GALNTL6: variants seen among roughly 807,000 people sequenced by gnomAD.
GALNTL6 encodes polypeptide N-acetylgalactosaminyltransferase like 6.
GALNTL6 carries 46 observed loss-of-function variants against 73.7 expected under a neutral mutation model. The ratio of observed to expected loss-of-function variants is 0.62; its 90% CI spans 0.49 to 0.80. The LOEUF is 0.80. GALNTL6 is among the 30% of genes least tolerant of loss of function. The pLI, the probability that GALNTL6 is intolerant of heterozygous loss-of-function variation, is 0.00. For missense variants in GALNTL6, 604 were observed against 755.0 expected (o/e 0.80, Z 2.34); for synonymous variants, 259 against 263.7 (o/e 0.98, Z 0.17).
chr4:172,520,851 G>A (rs548737138), intron 5 of GALNTL6, among the ~76,000 whole-genome samples: 9 of 151,904 alleles, frequency 5.9e-5, no homozygotes, highest in South Asian at 2.1e-4. Flanking sequence ...AATATATTTT[G>A]TAGATGTTCT....
chr4:172,666,567 G>A (rs550315988), intron 5 of GALNTL6, among the ~76,000 whole-genome samples: 2 of 152,146 alleles, frequency 1.3e-5, no homozygotes, highest in East Asian at 3.9e-4. Flanking sequence ...TTCAACCTTG[G>A]ACTAATTCCA....
intron 5 of GALNTL6, among the ~76,000 whole-genome samples, chr4:172,613,631 G>T (rs1345893229): frequency 6.6e-6 from 1 of 152,108 alleles, no homozygotes; most frequent in African/African-American, 2.4e-5. Flanking sequence ...TCAGCAAAAT[G>T]TGTTTTTTGG....
intron 5 of GALNTL6, among the ~76,000 whole-genome samples, chr4:172,563,366 C>T (rs1736446706): frequency 2.0e-5 from 1 of 51,272 alleles, no homozygotes; most frequent in Non-Finnish European, 6.8e-5. Flanking sequence ...AACTGTCAAT[C>T]CCGCCTTCAC....
At chr4:172,339,885 T>A (rs1741500322) in intron 4 of GALNTL6, among the ~76,000 whole-genome samples, 1 of 152,180 alleles carries the variant, frequency 6.6e-6, no homozygotes, top group Non-Finnish European at 1.5e-5. Context: ...TCCAGTAGAT[T>A]CCCATTTTTC....
At chr4:172,879,912 A>G (rs1426272385) in intron 7 of GALNTL6, among the ~76,000 whole-genome samples, 1 of 151,926 alleles carries the variant, frequency 6.6e-6, no homozygotes, top group African/African-American at 2.4e-5. Flanking sequence ...CAAACACTTT[A>G]ACATTATTAA....
chr4:172,244,846 C>T (rs1355712411), intron 3 of GALNTL6, among the ~76,000 whole-genome samples: 3 of 152,146 alleles, frequency 2.0e-5, no homozygotes, highest in South Asian at 2.1e-4. Flanking sequence ...GGAGCTTCTC[C>T]CCCAAATCTT....
intron 7 of GALNTL6, among the ~76,000 whole-genome samples, chr4:172,849,978 A>C (rs980184814): frequency 6.6e-6 from 1 of 152,186 alleles, no homozygotes; most frequent in Non-Finnish European, 1.5e-5. Flanking sequence ...GACCTCCTAA[A>C]GTCTTTCCTC....
At chr4:172,495,563 T>G (rs926880640) in intron 5 of GALNTL6, among the ~76,000 whole-genome samples, 5 of 152,150 alleles carry the variant, frequency 3.3e-5, no homozygotes, top group Admixed American at 2.6e-4. Context: ...GACAATGGTG[T>G]CCTGTGTGAT....
chr4:172,868,773 G>C lies in GALNTL6; in HGVS notation c.924-14017G>C, dbSNP rs111361359. Among the ~76,000 whole-genome samples, 830 of 152,312 alleles carry C rather than the reference G, an allele frequency of 5.4e-3. 9 individuals carry two copies. The highest frequency in any genetic ancestry group is 0.018 in the African/African-American group (756 of 41,568). On this transcript the variant is annotated intron_variant, in intron 7 of 12. Transcript: ENST00000506823. ...TACTTCATCACTGGTCTAAGCATCA[G>C]ATGAAATTGTATATAGAAGATTTGG...
intron 9 of GALNTL6, among the ~76,000 whole-genome samples, chr4:172,943,782 A>G (rs1309129320): frequency 6.6e-6 from 1 of 152,366 alleles, no homozygotes; most frequent in South Asian, 2.1e-4. Flanking sequence ...ACACAACCTG[A>G]TTGATATATG....
chr4:171,868,673 C>A (rs538279406), intron 2 of GALNTL6, among the ~76,000 whole-genome samples: 16 of 152,056 alleles, frequency 1.1e-4, no homozygotes, highest in Non-Finnish European at 1.8e-4. Context: ...TCCTCAGTAA[C>A]TGAACATTCT....
intron 5 of GALNTL6, among the ~76,000 whole-genome samples, chr4:172,389,026 C>A (rs1380647031): frequency 6.6e-6 from 1 of 151,832 alleles, no homozygotes; most frequent in Non-Finnish European, 1.5e-5. Context: ...TAAAATCATC[C>A]TCCGAATTTA....
chr4:172,155,722 T>C (rs1167364619), intron 2 of GALNTL6, among the ~76,000 whole-genome samples: 1 of 152,174 alleles, frequency 6.6e-6, no homozygotes, highest in African/African-American at 2.4e-5. Flanking sequence ...TTCTGACAAG[T>C]AAATTAATAT....
At chr4:171,898,107 A>C (rs1490901712) in intron 2 of GALNTL6, among the ~76,000 whole-genome samples, 1 of 152,154 alleles carries the variant, frequency 6.6e-6, no homozygotes, top group Non-Finnish European at 1.5e-5. Context: ...TATGAAAGGC[A>C]AATAAACATC....
intron 5 of GALNTL6, among the ~76,000 whole-genome samples, chr4:172,466,649 T>G (rs574217786): frequency 4.6e-5 from 7 of 152,296 alleles, no homozygotes; most frequent in Admixed American, 4.6e-4. Context: ...GATCCATCAG[T>G]TGGTACATTT....
intron 2 of GALNTL6, among the ~76,000 whole-genome samples, chr4:171,983,332 A>G (rs1037186584): frequency 9.2e-5 from 14 of 152,296 alleles, no homozygotes; most frequent in African/African-American, 3.4e-4. Flanking sequence ...AGTTTGCTCT[A>G]TTCCTGTAAC....
intron 5 of GALNTL6, among the ~76,000 whole-genome samples, chr4:172,436,291 C>A (rs1731632206): frequency 6.6e-6 from 1 of 151,940 alleles, no homozygotes; most frequent in South Asian, 2.1e-4. Flanking sequence ...TAGTCAAAAC[C>A]CTTTAATCCT....
intron 3 of GALNTL6, among the ~76,000 whole-genome samples, chr4:172,243,374 A>G (rs552018077): frequency 6.3e-4 from 96 of 152,284 alleles, no homozygotes; most frequent in African/African-American, 2.2e-3. Context: ...CTTTCTAGCA[A>G]TATCTTCCTA....
chr4:171,879,559 A>G (rs2110908897), intron 2 of GALNTL6, among the ~76,000 whole-genome samples: 1 of 152,342 alleles, frequency 6.6e-6, no homozygotes, highest in South Asian at 2.1e-4. Context: ...TTTAGTACAC[A>G]TGAATATGAT....
Sources: allele counts gnomAD v4.1 joint callset (sites outside exome capture counted in the v4.1 genomes callset), GRCh38; gene constraint gnomAD v4.1.1; transcripts MANE v1.5; gene names NCBI Gene and HGNC (gene_info 2026-07-23, HGNC 2026-07-21).